The following SSBP2 variants were observed in gnomAD, a reference collection of about 807,000 sequenced individuals.
SSBP2 encodes single stranded DNA binding protein 2.
SSBP2 carries 17 observed loss-of-function variants against 61.8 expected under a neutral mutation model. That is an observed-to-expected ratio of 0.28 (90% confidence interval 0.19 to 0.41). The LOEUF (loss-of-function observed/expected upper bound fraction) is 0.41, where lower values mean the gene tolerates loss of function less well. SSBP2 is among the 10% of genes least tolerant of loss of function. The pLI, the probability that SSBP2 is intolerant of heterozygous loss-of-function variation, is 1.00. For synonymous variants in SSBP2, 139 were observed against 141.3 expected (o/e 0.98, Z 0.12); for missense variants, 310 against 458.7 (o/e 0.68, Z 2.96).
At chr5:81,563,917 G>A (rs1773237099) in intron 4 of SSBP2, among the ~76,000 whole-genome samples, 1 of 151,980 alleles carries the variant, frequency 6.6e-6, no homozygotes, top group South Asian at 2.1e-4. Flanking sequence ...GGATAGCAAA[G>A]GTAACAATCA....
intron 4 of SSBP2, among the ~76,000 whole-genome samples, chr5:81,520,658 C>T (rs181486210): frequency 6.6e-6 from 1 of 152,038 alleles, no homozygotes; most frequent in Admixed American, 6.6e-5. Context: ...GTGGTCTAAT[C>T]AATGATTGTT....
intron 1 of SSBP2, among the ~76,000 whole-genome samples, chr5:81,728,829 T>C (rs563297854): frequency 2.2e-4 from 33 of 152,318 alleles, no homozygotes; most frequent in African/African-American, 5.5e-4. Context: ...AACCAACGCA[T>C]CTACTGAATC....
At position 81,525,741 on chromosome 5, in the gene SSBP2, T is replaced by C. The variant is rs1010574382; in HGVS notation, c.283-12024A>G. Reference sequence around the variant, plus strand: ...ACTACTTGCATGTACCTCTGCCTATTACCTGTACCAGTCTATAAGCTCTCC... The same window carrying C: ...ACTACTTGCATGTACCTCTGCCTATCACCTGTACCAGTCTATAAGCTCTCC... On this transcript the variant is annotated intron_variant, in intron 4 of 16. Transcript: ENST00000320672. Among the ~76,000 whole-genome samples the C allele has an allele frequency of 4.6e-5, 7 of 152,040 alleles. No individual in the cohort carries two copies. The East Asian group carries it at 5.8e-4, about 13-fold the overall frequency.
At chr5:81,480,262 A>C (rs1765886395) in intron 6 of SSBP2, among the ~76,000 whole-genome samples, 2 of 152,224 alleles carry the variant, frequency 1.3e-5, no homozygotes, top group South Asian at 4.1e-4. Context: ...ACTGATGTAC[A>C]GGCACACCTC....
At chr5:81,638,230 G>A (rs1336268421) in intron 2 of SSBP2, among the ~76,000 whole-genome samples, 2 of 150,652 alleles carry the variant, frequency 1.3e-5, no homozygotes, top group African/African-American at 4.9e-5. Context: ...TTGTGCACAT[G>A]TACCCTAAAA....
chr5:81,590,158 TG>T (rs1775388328), intron 4 of SSBP2, among the ~76,000 whole-genome samples: 3 of 151,610 alleles, frequency 2.0e-5, no homozygotes, highest in African/African-American at 7.3e-5. Context: ...TGGGGAGGGG[TG>T]TGTTGGAAAG....
At chr5:81,501,710 C>G (rs1323738579) in intron 5 of SSBP2, among the ~76,000 whole-genome samples, 2 of 151,600 alleles carry the variant, frequency 1.3e-5, no homozygotes, top group Non-Finnish European at 2.9e-5. Context: ...CTACAGGCGC[C>G]CACCACCACG....
chr5:81,489,879 G>A (rs890446607), intron 5 of SSBP2, among the ~76,000 whole-genome samples: 1 of 152,100 alleles, frequency 6.6e-6, no homozygotes, highest in Non-Finnish European at 1.5e-5. Flanking sequence ...CTCTGTGGGT[G>A]TGGCGGCACA....
At chr5:81,450,946 T>A (rs1459947326) in intron 10 of SSBP2, among the ~76,000 whole-genome samples, 1 of 152,206 alleles carries the variant, frequency 6.6e-6, no homozygotes, top group Non-Finnish European at 1.5e-5. Flanking sequence ...GCTCTCCAAC[T>A]TCTACCTCAT....
chr5:81,508,624 T>C (rs1768361756), intron 5 of SSBP2, among the ~76,000 whole-genome samples: 1 of 152,210 alleles, frequency 6.6e-6, no homozygotes, highest in South Asian at 2.1e-4. Flanking sequence ...TTATTTATTT[T>C]AGACTTTAAT....
At chr5:81,608,473 A>T (rs1333673697) in intron 4 of SSBP2, among the ~76,000 whole-genome samples, 2 of 152,170 alleles carry the variant, frequency 1.3e-5, no homozygotes, top group East Asian at 3.8e-4. Flanking sequence ...AATATGCTAA[A>T]AAATGACTAT....
intron 1 of SSBP2, among the ~76,000 whole-genome samples, chr5:81,683,888 G>A (rs1241056107): frequency 6.6e-6 from 1 of 152,130 alleles, no homozygotes; most frequent in African/African-American, 2.4e-5. Flanking sequence ...GGAATTTCAA[G>A]TTAAAACTAA....
chr5:81,611,904 T>G lies in SSBP2; in HGVS notation c.282+3569A>C, dbSNP rs1431195223. Among the ~76,000 whole-genome samples, 3 of 152,262 alleles carry G rather than the reference T, an allele frequency of 2.0e-5. No individual in the cohort carries two copies. In the East Asian group the frequency reaches 5.8e-4, roughly 29 times the overall value. ...ATTCTAGTCTTATAAGATAAATACA[T>G]TCTGGAGATCCATTGTACAACATAG... On this transcript the variant is annotated intron_variant, in intron 4 of 16. Coordinates refer to ENST00000320672, the MANE Select transcript of SSBP2 (RefSeq NM_012446.5).
At chr5:81,715,717 T>A (rs56035074) in intron 1 of SSBP2, among the ~76,000 whole-genome samples, 1 of 152,100 alleles carries the variant, frequency 6.6e-6, no homozygotes, top group Admixed American at 6.5e-5. Flanking sequence ...AGAATAACTG[T>A]ACTGGGAGGA....
chr5:81,474,772 C>T (rs1257195823), intron 6 of SSBP2, among the ~76,000 whole-genome samples: 2 of 152,064 alleles, frequency 1.3e-5, no homozygotes, highest in Non-Finnish European at 2.9e-5. Context: ...CTACTTTGCC[C>T]AATTTTGTGA....
chr5:81,592,869 G>A (rs533632595), intron 4 of SSBP2, among the ~76,000 whole-genome samples: 1 of 152,244 alleles, frequency 6.6e-6, no homozygotes, highest in Admixed American at 6.5e-5. Context: ...ACCAAAGGTG[G>A]ATACAACCAC....
intron 1 of SSBP2, chr5:81,710,798 T>C (rs1378911060): frequency 2.4e-6 from 1 of 409,228 alleles, no homozygotes; most frequent in Non-Finnish European, 4.9e-6. Context: ...TATGTTTTAA[T>C]ATAAGGAATA....
intron 1 of SSBP2, among the ~76,000 whole-genome samples, chr5:81,729,623 T>C (rs1260391242): frequency 6.6e-6 from 1 of 152,176 alleles, no homozygotes; most frequent in African/African-American, 2.4e-5. Context: ...ACTCTCATAG[T>C]ATTTAACACT....
intron 4 of SSBP2, among the ~76,000 whole-genome samples, chr5:81,532,142 A>G (rs1247223825): frequency 1.3e-5 from 2 of 152,144 alleles, no homozygotes; most frequent in Non-Finnish European, 2.9e-5. Context: ...TTGGAAATGT[A>G]CACCTAAAAG....
Sources: allele counts gnomAD v4.1 joint callset (sites outside exome capture counted in the v4.1 genomes callset), GRCh38; gene constraint gnomAD v4.1.1; transcripts MANE v1.5; gene names NCBI Gene and HGNC (gene_info 2026-07-23, HGNC 2026-07-21).